ADAMTS14: variants seen among roughly 807,000 people sequenced by gnomAD.
The protein encoded by ADAMTS14 is A disintegrin and metalloproteinase with thrombospondin motifs 14.
In ADAMTS14, 100 loss-of-function variants were observed where a neutral mutation model predicts 128.6. The ratio of observed to expected loss-of-function variants is 0.78; its 90% confidence interval spans 0.66 to 0.92. The LOEUF is 0.92. Ranked by LOEUF, ADAMTS14 falls within the 40% of genes least tolerant of loss-of-function variation. The pLI is 0.00. For synonymous variants in ADAMTS14, 665 were observed against 653.8 expected (o/e 1.02, Z -0.26); for missense variants, 1,562 against 1,658.6 (o/e 0.94, Z 1.01).
Position 70,754,010 on chromosome 10 carries a change from G to T in ADAMTS14, c.2937+3G>T. On this transcript the variant is annotated splice_donor_region_variant and intron_variant, in intron 19 of 21. Transcript: ENST00000373207. ...GGAGGCTGGGAGCCTGGTCCCAGGT[G>T]ACTTGTCCTCAGGAGGTGGGAGGGG... 1 of 1,553,058 alleles carries T rather than the reference G, an allele frequency of 6.4e-7. No homozygotes were observed. The highest frequency in any genetic ancestry group is 1.2e-5 in the South Asian group (1 of 84,702).
intron 6 of ADAMTS14, among the ~76,000 whole-genome samples, chr10:70,732,016 C>T (rs1048444108): frequency 4.6e-5 from 7 of 151,998 alleles, no homozygotes; most frequent in East Asian, 3.9e-4. Flanking sequence ...TTTAGAGGGG[C>T]GCTGATAAAC....
intron 6 of ADAMTS14, among the ~76,000 whole-genome samples, chr10:70,731,550 G>A (rs1182431603): frequency 1.3e-5 from 2 of 152,062 alleles, no homozygotes; most frequent in Admixed American, 6.6e-5. Flanking sequence ...AGCTGGTGCC[G>A]GCCCCCCTGC....
At chr10:70,744,967 G>T (rs940768999) in intron 14 of ADAMTS14, among the ~76,000 whole-genome samples, 24 of 152,072 alleles carry the variant, frequency 1.6e-4, no homozygotes, top group African/African-American at 5.8e-4. Context: ...AGAGGAAGAG[G>T]GTCAGGAAAG....
intron 9 of ADAMTS14, 70 bp downstream of exon 9, chr10:70,735,371 C>A: frequency 6.4e-7 from 1 of 1,569,624 alleles, no homozygotes; most frequent in Non-Finnish European, 8.6e-7. Flanking sequence ...CCCATGCTGA[C>A]CATTCATGAG....
At chr10:70,731,311 T>C (rs1210093869) in intron 6 of ADAMTS14, among the ~76,000 whole-genome samples, 1 of 152,160 alleles carries the variant, frequency 6.6e-6, no homozygotes, top group Non-Finnish European at 1.5e-5. Flanking sequence ...ATATCACATG[T>C]AGAGCAAATC....
chr10:70,758,122 C>G, intron 20 of ADAMTS14, 31 bp downstream of exon 20: 1 of 1,612,310 alleles, frequency 6.2e-7, no homozygotes, highest in Non-Finnish European at 8.5e-7. Context: ...AGGCCAGGTC[C>G]AGTCCCTTGG....
intron 3 of ADAMTS14, among the ~76,000 whole-genome samples, chr10:70,706,160 C>A (rs908143517): frequency 2.0e-5 from 3 of 152,172 alleles, no homozygotes; most frequent in African/African-American, 4.8e-5. Context: ...GGAGCCCCCC[C>A]ACAGCATCCA....
intron 15 of ADAMTS14, among the ~76,000 whole-genome samples, chr10:70,747,576 A>G (rs1181746942): frequency 6.6e-6 from 1 of 152,204 alleles, no homozygotes; most frequent in Non-Finnish European, 1.5e-5. Flanking sequence ...GAACATTAGC[A>G]GCCCCTTCCA....
chr10:70,705,026 C>T (rs1002381323), intron 3 of ADAMTS14, among the ~76,000 whole-genome samples: 6 of 152,158 alleles, frequency 3.9e-5, no homozygotes, highest in African/African-American at 1.4e-4. Flanking sequence ...TTCACACACT[C>T]GCACACTCTC....
At chr10:70,723,470 A>C (rs1208131699) in intron 4 of ADAMTS14, among the ~76,000 whole-genome samples, 2 of 152,346 alleles carry the variant, frequency 1.3e-5, no homozygotes, top group East Asian at 1.9e-4. Flanking sequence ...TTTGGAATAA[A>C]CTGGGTATGG....
intron 21 of ADAMTS14, 85 bp downstream of exon 21, chr10:70,758,370 A>C: frequency 8.1e-7 from 1 of 1,234,840 alleles, no homozygotes; most frequent in Non-Finnish European, 1.1e-6. Context: ...AGTGGAGCAA[A>C]CCCAGCTTGT....
rs771093112 is a variant in ADAMTS14, at chr10:70,674,704, A to G, written c.231A>G (p.Pro77=). The change falls in exon 2 of 22, where the codon CCA becomes CCG. Residue 77 remains proline, a synonymous_variant. Transcript: ENST00000373207. The part of the protein sequence containing the change: ...SMVVDTPPTL[P]RHSSHLRVAR... ...TAGTGGACACGCCACCCACACTACC[A>G]CGACACTCCAGTCACCTCCGGGTGG... The G allele has an allele frequency of 6.2e-7, 1 of 1,613,510 alleles. No homozygotes were observed. Among genetic ancestry groups the G allele is most frequent in the Non-Finnish European group, 8.5e-7 (1 of 1,180,002 alleles).
chr10:70,760,291 AG>A (rs547941061), intron 21 of ADAMTS14, 68 bp from the exon 22 acceptor site: 14 of 1,496,434 alleles, frequency 9.4e-6, no homozygotes, highest in South Asian at 4.0e-5. Flanking sequence ...GGTAAGTGGG[AG>A]GGGGGGCCAC....
intron 2 of ADAMTS14, among the ~76,000 whole-genome samples, chr10:70,684,421 G>A (rs56375614): frequency 0.17 from 25,399 of 152,218 alleles, 2,688 homozygotes; most frequent in Non-Finnish European, 0.24. Context: ...TTCCAAGAGT[G>A]GGGAAATGGA....
Position 70,761,817 on chromosome 10 carries a change from C to T in ADAMTS14, c.*964C>T, listed in dbSNP as rs1218853082. On this transcript the variant is annotated 3_prime_UTR_variant, in exon 22 of 22. Transcript: ENST00000373207. ...TCCTGCTGGAGTCGGACATCTTCAT[C>T]TTCTACCTGGCTCAAGCTGGGCCAG... 2 of 152,278 alleles carry T rather than the reference C, an allele frequency of 1.3e-5. No homozygotes were observed. Among genetic ancestry groups the T allele is most frequent in the Non-Finnish European group, 2.9e-5 (2 of 68,062 alleles). The allele number at this position is 152,278 out of a possible 1,614,324, so 9.4% of individuals were successfully genotyped here.
intron 2 of ADAMTS14, 99 bp downstream of exon 2, chr10:70,675,094 A>T: frequency 7.0e-7 from 1 of 1,421,594 alleles, no homozygotes; most frequent in South Asian, 1.3e-5. Context: ...GTCTGGGCCA[A>T]GGCAGGGGTG....
intron 2 of ADAMTS14, among the ~76,000 whole-genome samples, chr10:70,686,075 T>C (rs991514300): frequency 6.6e-6 from 1 of 152,232 alleles, no homozygotes; most frequent in Non-Finnish European, 1.5e-5. Flanking sequence ...GCTGCTGTTA[T>C]GTACACATTA....
chr10:70,751,102 G>T (rs1842335039), intron 16 of ADAMTS14, among the ~76,000 whole-genome samples: 1 of 152,222 alleles, frequency 6.6e-6, no homozygotes. Context: ...TTTGATGAGG[G>T]TCAGTATCCG....
At chr10:70,730,020 C>T in intron 5 of ADAMTS14, 82 bp from the exon 6 acceptor site, 1 of 1,473,918 alleles carries the variant, frequency 6.8e-7, no homozygotes, top group Non-Finnish European at 9.1e-7. Flanking sequence ...GCGTTCCCAT[C>T]TGTAAGTGGG....
Sources: gnomAD v4.1 joint callset for allele counts (sites outside exome capture counted in the v4.1 genomes callset) on GRCh38, gnomAD v4.1.1 for gene constraint, MANE v1.5 for transcripts, NCBI Gene and HGNC (gene_info 2026-07-23, HGNC 2026-07-21) for gene names.